IL1RAPL1: variants seen among roughly 807,000 people sequenced by gnomAD.
IL1RAPL1 encodes interleukin-1 receptor accessory protein-like 1.
A neutral mutation model predicts 48.4 loss-of-function variants in IL1RAPL1; 3 were observed. That is an observed-to-expected ratio of 0.06 (90% CI 0.03 to 0.16). IL1RAPL1 has a LOEUF of 0.16. IL1RAPL1 is among the 10% of genes least tolerant of loss of function. IL1RAPL1 has a pLI of 1.00. For synonymous variants in IL1RAPL1, 185 were observed against 187.7 expected (o/e 0.99, Z 0.12); for missense variants, 349 against 530.6 (o/e 0.66, Z 3.36).
At chrX:29,641,249 A>G (rs901864791) in intron 5 of IL1RAPL1, among the ~76,000 whole-genome samples, 2 of 113,103 alleles carry the variant, frequency 1.8e-5, no homozygotes, top group South Asian at 7.2e-4. Flanking sequence ...GGTTCAAACC[A>G]CATCTGTAAA....
intron 2 of IL1RAPL1, among the ~76,000 whole-genome samples, chrX:29,085,181 AATATT>A (rs768442905): frequency 8.9e-6 from 1 of 111,734 alleles, no homozygotes; most frequent in South Asian, 3.7e-4. Context: ...AATAAAGTAT[AATATT>A]ATATTCTAGA....
At chrX:29,099,045 G>A (rs1358709374) in intron 2 of IL1RAPL1, among the ~76,000 whole-genome samples, 2 of 111,122 alleles carry the variant, frequency 1.8e-5, no homozygotes, top group Non-Finnish European at 1.9e-5. Context: ...CCAGCTACTC[G>A]GGAGGCTGAG....
chrX:29,588,474 G>T (rs1415184491), intron 5 of IL1RAPL1, among the ~76,000 whole-genome samples: 1 of 112,408 alleles, frequency 8.9e-6, no homozygotes, highest in Non-Finnish European at 1.9e-5. Flanking sequence ...TAGTCTAGAA[G>T]CTGTTCCTGA....
At chrX:29,571,877 G>A (rs1027402614) in intron 5 of IL1RAPL1, among the ~76,000 whole-genome samples, 1 of 111,528 alleles carries the variant, frequency 9.0e-6, no homozygotes, top group African/African-American at 3.3e-5. Context: ...AGAGTTTAAC[G>A]ATGCCCTTTT....
At chrX:29,086,035 A>T (rs1927945130) in intron 2 of IL1RAPL1, among the ~76,000 whole-genome samples, 1 of 112,298 alleles carries the variant, frequency 8.9e-6, no homozygotes, top group Non-Finnish European at 1.9e-5. Flanking sequence ...CTTTTCCCAA[A>T]TGTCTAATAA....
chrX:29,789,798 T>TA (rs1555920584), intron 6 of IL1RAPL1, among the ~76,000 whole-genome samples: 13 of 90,401 alleles, frequency 1.4e-4, no homozygotes, highest in African/African-American at 4.2e-4. Flanking sequence ...TTTTTTTTTT[T>TA]ATCTCAAAGT....
intron 2 of IL1RAPL1, among the ~76,000 whole-genome samples, chrX:29,190,521 C>G (rs1277430928): frequency 8.9e-6 from 1 of 111,911 alleles, no homozygotes; most frequent in Non-Finnish European, 1.9e-5. Context: ...GCACTTAGCA[C>G]AGTTGATGGG....
chrX:29,689,553 G>A (rs1444125280), intron 6 of IL1RAPL1, among the ~76,000 whole-genome samples: 3 of 112,231 alleles, frequency 2.7e-5, no homozygotes, highest in East Asian at 5.6e-4. Context: ...TCAAAAGCTC[G>A]GTCAAGCAAG....
intron 1 of IL1RAPL1, among the ~76,000 whole-genome samples, chrX:28,660,218 T>C (rs759546382): frequency 8.1e-4 from 88 of 108,462 alleles, no homozygotes; most frequent in African/African-American, 2.8e-3. Flanking sequence ...GGATAAATAA[T>C]GAGTCTCAAA....
intron 6 of IL1RAPL1, among the ~76,000 whole-genome samples, chrX:29,908,375 AAT>A (rs71761547): frequency 0.27 from 27,082 of 102,025 alleles, 4,060 homozygotes; most frequent in African/African-American, 0.55. Context: ...CCATTTCAAA[AAT>A]ATATATATAT....
intron 5 of IL1RAPL1, among the ~76,000 whole-genome samples, chrX:29,412,184 T>C (rs1934152248): frequency 9.0e-6 from 1 of 111,009 alleles, no homozygotes; most frequent in Non-Finnish European, 1.9e-5. Flanking sequence ...GGCAGGAGAA[T>C]TGCTTGAACT....
chrX:29,898,222 C>T (rs1283073942), intron 6 of IL1RAPL1, among the ~76,000 whole-genome samples: 1 of 111,943 alleles, frequency 8.9e-6, no homozygotes, highest in Non-Finnish European at 1.9e-5. Context: ...ATTTGCTGTT[C>T]TGCTCACAAG....
In IL1RAPL1 at chrX:28,842,647, C is replaced by T. The variant is rs762160674; in HGVS notation, c.82+53222C>T. ...ATGTTGTGGACACTTTGTCAATATT[C>T]GTTGAAGGAATGAAATTGTGGATTA... is the stretch of plus-strand genomic sequence containing the variant. On this transcript the variant is annotated intron_variant, in intron 2 of 10. Coordinates refer to ENST00000378993, the MANE Select transcript of IL1RAPL1 (RefSeq NM_014271.4). Among the ~76,000 whole-genome samples, 7 of 111,192 alleles carry T rather than the reference C, an allele frequency of 6.3e-5. No individual in the cohort carries two copies. In the South Asian group the frequency reaches 1.9e-3, roughly 29 times the overall value.
chrX:28,693,242 G>A (rs1293706741), intron 1 of IL1RAPL1, among the ~76,000 whole-genome samples: 1 of 111,827 alleles, frequency 8.9e-6, no homozygotes, highest in African/African-American at 3.3e-5. Flanking sequence ...ATCTTTGGCA[G>A]CTATATGGCT....
intron 1 of IL1RAPL1, among the ~76,000 whole-genome samples, chrX:28,726,909 G>A (rs1464775294): frequency 1.8e-5 from 2 of 111,902 alleles, no homozygotes; most frequent in African/African-American, 3.2e-5. Context: ...GAATCTAATT[G>A]TAGATGCATC....
chrX:29,493,051 C>G (rs1422587672), intron 5 of IL1RAPL1, among the ~76,000 whole-genome samples: 1 of 111,671 alleles, frequency 9.0e-6, no homozygotes, highest in Non-Finnish European at 1.9e-5. Context: ...GCTGCCTTTT[C>G]TTTTTGCACT....
intron 2 of IL1RAPL1, among the ~76,000 whole-genome samples, chrX:28,791,814 C>G (rs772144749): frequency 8.9e-6 from 1 of 111,742 alleles, no homozygotes; most frequent in African/African-American, 3.3e-5. Context: ...TATCCACATA[C>G]TTTCATAGCT....
chrX:29,480,733 A>C (rs1410520153), intron 5 of IL1RAPL1, among the ~76,000 whole-genome samples: 1 of 111,009 alleles, frequency 9.0e-6, no homozygotes, highest in Non-Finnish European at 1.9e-5. Context: ...TTTGATGTTT[A>C]TTATCTCCTT....
At chrX:29,743,650 A>C (rs1928262914) in intron 6 of IL1RAPL1, among the ~76,000 whole-genome samples, 1 of 110,824 alleles carries the variant, frequency 9.0e-6, no homozygotes. Flanking sequence ...ATGCCCAGCT[A>C]ACTTTTGTAT....
Sources: gnomAD v4.1 joint callset for allele counts (sites outside exome capture counted in the v4.1 genomes callset) on GRCh38, gnomAD v4.1.1 for gene constraint, MANE v1.5 for transcripts, NCBI Gene and HGNC (gene_info 2026-07-23, HGNC 2026-07-21) for gene names.